PRKCE: variants seen among roughly 807,000 people sequenced by gnomAD.
PRKCE encodes the protein protein kinase C epsilon type.
In PRKCE, 16 loss-of-function variants were observed where a neutral mutation model predicts 85.4. The observed-to-expected ratio is 0.19, with a 90% CI of 0.13 to 0.28. The LOEUF (loss-of-function observed/expected upper bound fraction) is 0.28, where lower values mean the gene tolerates loss of function less well. Ranked by LOEUF, PRKCE falls within the 10% of genes least tolerant of loss-of-function variation. The pLI is 1.00. For synonymous variants in PRKCE, 388 were observed against 371.5 expected (o/e 1.04, Z -0.51); for missense variants, 573 against 975.2 (o/e 0.59, Z 5.49).
chr2:45,741,424 C>T (rs1356035973), intron 1 of PRKCE, among the ~76,000 whole-genome samples: 1 of 151,624 alleles, frequency 6.6e-6, no homozygotes, highest in Non-Finnish European at 1.5e-5. Context: ...GGTCTTGGGC[C>T]GACTGGGGAC....
chr2:45,677,210 C>A (rs1413880875), intron 1 of PRKCE: 2 of 152,310 alleles, frequency 1.3e-5, no homozygotes, highest in Admixed American at 1.3e-4. Context: ...TCCCTCCCTG[C>A]TTCCTTCCTT....
chr2:45,654,715 G>A (rs1465954636), intron 1 of PRKCE, among the ~76,000 whole-genome samples: 1 of 152,242 alleles, frequency 6.6e-6, no homozygotes, highest in Non-Finnish European at 1.5e-5. Flanking sequence ...CCCAAAGTCT[G>A]AAGGATGAGT....
At chr2:45,718,276 C>G (rs1680315167) in intron 1 of PRKCE, among the ~76,000 whole-genome samples, 1 of 151,730 alleles carries the variant, frequency 6.6e-6, no homozygotes, top group African/African-American at 2.4e-5. Flanking sequence ...TTGAGAATCA[C>G]TAGGTTAGCA....
intron 1 of PRKCE, among the ~76,000 whole-genome samples, chr2:45,712,799 T>A (rs1573027451): frequency 6.6e-6 from 1 of 152,134 alleles, no homozygotes; most frequent in African/African-American, 2.4e-5. Context: ...ATTGCATGGT[T>A]CTCATTTGTT....
chr2:46,002,041 G>A (rs971660172), intron 7 of PRKCE, among the ~76,000 whole-genome samples: 7 of 152,162 alleles, frequency 4.6e-5, no homozygotes, highest in Non-Finnish European at 8.8e-5. Context: ...AATGTCTCAC[G>A]ACATGAAACA....
intron 11 of PRKCE, among the ~76,000 whole-genome samples, chr2:46,144,687 T>G (rs2278776): frequency 0.038 from 5,813 of 152,304 alleles, 155 homozygotes; most frequent in East Asian, 0.11. Context: ...TTCGTTGATG[T>G]CCCTATGTGT....
At chr2:46,180,140 G>C (rs973060424) in intron 14 of PRKCE, among the ~76,000 whole-genome samples, 18 of 152,172 alleles carry the variant, frequency 1.2e-4, no homozygotes, top group Non-Finnish European at 1.6e-4. Flanking sequence ...AGATGGTGAG[G>C]GCACCCACAA....
intron 11 of PRKCE, among the ~76,000 whole-genome samples, chr2:46,109,912 G>T (rs926634966): frequency 6.6e-6 from 1 of 151,928 alleles, no homozygotes; most frequent in South Asian, 2.1e-4. Flanking sequence ...ATAATGAATG[G>T]GTATTGGATT....
At chr2:46,058,400 G>T (rs1666802480) in intron 10 of PRKCE, among the ~76,000 whole-genome samples, 1 of 152,188 alleles carries the variant, frequency 6.6e-6, no homozygotes, top group Non-Finnish European at 1.5e-5. Context: ...TGTTCCCAAA[G>T]GAACTGGCTC....
At chr2:45,970,404 A>G (rs1272646659) in intron 2 of PRKCE, among the ~76,000 whole-genome samples, 1 of 152,202 alleles carries the variant, frequency 6.6e-6, no homozygotes, top group Non-Finnish European at 1.5e-5. Context: ...TTGTTGATAC[A>G]TAGCCCTTTG....
intron 1 of PRKCE, among the ~76,000 whole-genome samples, chr2:45,789,636 G>A (rs1256595515): frequency 1.3e-5 from 2 of 152,074 alleles, no homozygotes; most frequent in Non-Finnish European, 2.9e-5. Flanking sequence ...CTCTCTGGTT[G>A]GGGGAAAGGG....
At chr2:46,034,975 C>A (rs557117911) in intron 10 of PRKCE, among the ~76,000 whole-genome samples, 1 of 152,312 alleles carries the variant, frequency 6.6e-6, no homozygotes, top group East Asian at 1.9e-4. Context: ...CATCTTGGTT[C>A]TGGGAAGGGG....
chr2:45,928,243 G>C (rs1332886305), intron 2 of PRKCE, among the ~76,000 whole-genome samples: 1 of 152,168 alleles, frequency 6.6e-6, no homozygotes, highest in East Asian at 1.9e-4. Context: ...CAGACTCAAA[G>C]CTATAATGCT....
intron 10 of PRKCE, among the ~76,000 whole-genome samples, chr2:46,050,384 C>T (rs1708782113): frequency 6.6e-6 from 1 of 152,206 alleles, no homozygotes; most frequent in African/African-American, 2.4e-5. Context: ...ACCTAGGCTC[C>T]AGTGTTCCGC....
rs961984854 is a variant in PRKCE at position 45,697,372 on chromosome 2, C to G, written c.348+44924C>G. On this transcript the variant is annotated intron_variant, in intron 1 of 14. Transcript: ENST00000306156. The surrounding 1 kb of genome is among the most constrained non-coding windows in gnomAD (Gnocchi z 4.2). The stretch of plus-strand genomic sequence containing the variant: ...TGTTGCCCTCTCTGCCTCTTAATGG[C>G]GCTCTGACCTTCTATTGTTTTTGGC... Among the ~76,000 whole-genome samples the G allele has an allele frequency of 6.7e-6, 1 of 148,208 alleles. No homozygotes were observed. The highest frequency in any genetic ancestry group is 2.2e-4 in the South Asian group (1 of 4,648).
intron 14 of PRKCE, among the ~76,000 whole-genome samples, chr2:46,162,271 C>A (rs191132995): frequency 6.6e-6 from 1 of 152,240 alleles, no homozygotes; most frequent in East Asian, 1.9e-4. Flanking sequence ...CTCTTGGGAG[C>A]TCCCCCTTGG....
chr2:45,807,846 C>T (rs1404391485), intron 1 of PRKCE, among the ~76,000 whole-genome samples: 1 of 148,780 alleles, frequency 6.7e-6, no homozygotes, highest in African/African-American at 2.6e-5. Flanking sequence ...AGTTTGATAG[C>T]TCCAGCCCCT....
intron 1 of PRKCE, among the ~76,000 whole-genome samples, chr2:45,678,551 A>C (rs556602215): frequency 1.7e-3 from 262 of 152,368 alleles, no homozygotes; most frequent in Non-Finnish European, 3.3e-3. Context: ...TAGTGTATTA[A>C]AACTAATATC....
intron 1 of PRKCE, among the ~76,000 whole-genome samples, chr2:45,698,414 G>A (rs563364669): frequency 3.9e-5 from 6 of 152,230 alleles, no homozygotes; most frequent in East Asian, 1.9e-4. Flanking sequence ...GTCCCCAGCC[G>A]GTGGGGACCT....
Sources: allele counts gnomAD v4.1 joint callset (sites outside exome capture counted in the v4.1 genomes callset), GRCh38; gene constraint gnomAD v4.1.1; non-coding constraint Gnocchi (gnomAD v3.1); transcripts MANE v1.5; gene names NCBI Gene and HGNC (gene_info 2026-07-23, HGNC 2026-07-21).